SLC35F4: variants seen among roughly 807,000 people sequenced by gnomAD.
SLC35F4 encodes the protein solute carrier family 35 member F4.
In SLC35F4, 24 loss-of-function variants were observed where a neutral mutation model predicts 44.2. The ratio of observed to expected loss-of-function variants is 0.54; its 90% CI spans 0.39 to 0.76. The LOEUF (loss-of-function observed/expected upper bound fraction) is 0.76. Ranked by LOEUF, SLC35F4 falls within the 30% of genes least tolerant of loss-of-function variation. The pLI is 0.00. For synonymous variants in SLC35F4, 238 were observed against 223.6 expected (o/e 1.06, Z -0.57); for missense variants, 562 against 586.1 (o/e 0.96, Z 0.42).
rs1268446880 is a variant in SLC35F4, at chr14:57,847,719, A to G, written c.103+18004T>C. On this transcript the variant is annotated intron_variant, in intron 1 of 7. Transcript: ENST00000556826. ...ATGTAACCAACAGTCAGATCAAGAA[A>G]CAGATAATGCACAATATTATTTTCC... is the stretch of plus-strand genomic sequence containing the variant. Among the ~76,000 whole-genome samples, 3 of 152,232 alleles carry G rather than the reference A, an allele frequency of 2.0e-5. No individual in the cohort carries two copies. The East Asian group carries it at 5.8e-4, about 29-fold the overall frequency.
At chr14:57,816,358 T>C (rs1237936171) in intron 1 of SLC35F4, among the ~76,000 whole-genome samples, 2 of 152,170 alleles carry the variant, frequency 1.3e-5, no homozygotes, top group East Asian at 3.9e-4. Context: ...CAACACAGGA[T>C]CCACCCCCAC....
At chr14:57,579,832 G>A (rs777363052) in intron 4 of SLC35F4, among the ~76,000 whole-genome samples, 1 of 152,176 alleles carries the variant, frequency 6.6e-6, no homozygotes, top group African/African-American at 2.4e-5. Flanking sequence ...TTGGCTCAGT[G>A]CTCTGTTGTT....
intron 1 of SLC35F4, chr14:57,630,825 T>C (rs1429017774): frequency 1.5e-6 from 1 of 664,522 alleles, no homozygotes; most frequent in African/African-American, 1.9e-5. Context: ...CAGGCAATGA[T>C]CATAATCAAA....
intron 1 of SLC35F4, among the ~76,000 whole-genome samples, chr14:57,756,603 G>C (rs2076999160): frequency 6.6e-6 from 1 of 151,738 alleles, no homozygotes; most frequent in Non-Finnish European, 1.5e-5. Flanking sequence ...CAAGTTTGTT[G>C]ATAATGTTGT....
At chr14:57,840,546 T>C (rs1885387285) in intron 1 of SLC35F4, among the ~76,000 whole-genome samples, 1 of 152,192 alleles carries the variant, frequency 6.6e-6, no homozygotes, top group Admixed American at 6.5e-5. Flanking sequence ...ATGAGACTTC[T>C]AGGAAACGGG....
chr14:57,652,842 G>A (rs1410839588), intron 1 of SLC35F4, among the ~76,000 whole-genome samples: 1 of 152,232 alleles, frequency 6.6e-6, no homozygotes, highest in Non-Finnish European at 1.5e-5. Flanking sequence ...AAGTGTGAGA[G>A]GAAGAGGGAG....
At chr14:57,973,529 A>C (rs1881116969), downstream of SLC35F4, among the ~76,000 whole-genome samples, 1 of 152,126 alleles carries the variant, frequency 6.6e-6, no homozygotes, top group Admixed American at 6.6e-5. Context: ...AGGTTTTCTT[A>C]TAAGGAGCAG....
chr14:57,788,798 A>G (rs2077834457), intron 1 of SLC35F4, among the ~76,000 whole-genome samples: 1 of 151,940 alleles, frequency 6.6e-6, no homozygotes, highest in African/African-American at 2.4e-5. Flanking sequence ...AAAAGAACGG[A>G]AATCAAAACA....
chr14:57,605,259 G>GA (rs1474761715), intron 1 of SLC35F4, among the ~76,000 whole-genome samples: 3 of 151,744 alleles, frequency 2.0e-5, no homozygotes, highest in Admixed American at 6.6e-5. Context: ...AAATCAACAA[G>GA]AAAAAAGCAA....
intron 1 of SLC35F4, among the ~76,000 whole-genome samples, chr14:57,729,597 C>T (rs890083633): frequency 6.6e-6 from 1 of 152,118 alleles, no homozygotes; most frequent in Non-Finnish European, 1.5e-5. Flanking sequence ...TGTAGCTGAG[C>T]TGGTATCCAA....
chr14:57,968,242 G>A (rs963717360), intron 1 of SLC35F4, among the ~76,000 whole-genome samples: 2 of 152,148 alleles, frequency 1.3e-5, no homozygotes, highest in Non-Finnish European at 1.5e-5. Flanking sequence ...TATTTCACAA[G>A]TAAAATAAAA....
At position 57,756,871 on chromosome 14, in the gene SLC35F4, A is replaced by G. The variant is rs976830719; in HGVS notation, c.103+108852T>C. On this transcript the variant is annotated intron_variant, in intron 1 of 7. Coordinates refer to ENST00000556826, the MANE Select transcript of SLC35F4 (RefSeq NM_001306087.2). ...GAGACAGGTTTTCACCATGTTGCCC[A>G]AGCTGATCTCGAACTCCTGAGCCCA... Among the ~76,000 whole-genome samples the G allele has an allele frequency of 4.0e-5, 6 of 151,830 alleles. No individual in the cohort carries two copies. The East Asian group carries it at 1.2e-3, about 29-fold the overall frequency.
rs1450704348 is a variant in SLC35F4, at chr14:57,750,776, A to G, written c.103+114947T>C. Among the ~76,000 whole-genome samples the G allele has an allele frequency of 5.3e-5, 8 of 151,980 alleles. No individual in the cohort carries two copies. The South Asian group carries it at 8.3e-4, about 16-fold the overall frequency. The stretch of plus-strand genomic sequence containing the variant: ...TTGCTGAGTTGTTTGAACTTTTTGT[A>G]TATTCTGGATATTAGTCCCCTGTCT... On this transcript the variant is annotated intron_variant, in intron 1 of 7. Transcript: ENST00000556826.
upstream of SLC35F4, among the ~76,000 whole-genome samples, chr14:57,982,519 G>C (rs931117475): frequency 1.5e-4 from 23 of 152,150 alleles, no homozygotes; most frequent in East Asian, 3.9e-4. Flanking sequence ...AAGCCAACGA[G>C]AGCCAAGAGG....
At chr14:57,775,916 C>A (rs973967021) in intron 1 of SLC35F4, among the ~76,000 whole-genome samples, 12 of 152,124 alleles carry the variant, frequency 7.9e-5, no homozygotes, top group South Asian at 4.2e-4. Context: ...TAAAATGATA[C>A]AGAATCTTAC....
intron 1 of SLC35F4, among the ~76,000 whole-genome samples, chr14:57,842,933 A>T (rs887131524): frequency 6.6e-6 from 1 of 152,214 alleles, no homozygotes; most frequent in African/African-American, 2.4e-5. Flanking sequence ...GAAGGTAGAA[A>T]GAGCAGACTT....
At chr14:57,901,636 C>G (rs1209937801) in intron 1 of SLC35F4, among the ~76,000 whole-genome samples, 2 of 152,158 alleles carry the variant, frequency 1.3e-5, no homozygotes, top group African/African-American at 4.8e-5. Flanking sequence ...ACCTATCTAA[C>G]AAACCTGCAC....
chr14:57,769,828 GTTTC>G (rs2077319793), intron 1 of SLC35F4, among the ~76,000 whole-genome samples: 2 of 152,126 alleles, frequency 1.3e-5, no homozygotes, highest in Admixed American at 6.5e-5. Flanking sequence ...TTTTCTGCTT[GTTTC>G]TTTATAAGAC....
intron 1 of SLC35F4, among the ~76,000 whole-genome samples, chr14:57,712,628 C>T (rs1092051): frequency 0.93 from 141,390 of 152,308 alleles, 66,086 homozygotes; most frequent in Non-Finnish European, 1. Flanking sequence ...TTATACCCCA[C>T]AGTTAATTAC....
Sources: gnomAD v4.1 joint callset for allele counts (sites outside exome capture counted in the v4.1 genomes callset) on GRCh38, gnomAD v4.1.1 for gene constraint, MANE v1.5 for transcripts, NCBI Gene and HGNC (gene_info 2026-07-23, HGNC 2026-07-21) for gene names.